The following WDFY4 variants were observed in gnomAD, a reference collection of about 807,000 sequenced individuals.
WDFY4 encodes WDFY family member 4.
A neutral mutation model predicts 351.9 loss-of-function variants in WDFY4; 169 were observed. That is an observed-to-expected ratio of 0.48 (90% CI 0.42 to 0.55). WDFY4 has a LOEUF of 0.55. WDFY4 is among the 20% of genes least tolerant of loss of function. WDFY4 has a pLI of 0.00. For synonymous variants in WDFY4, 1,622 were observed against 1,574.6 expected, an observed-to-expected ratio of 1.03 and a Z score of -0.71; for missense variants, 3,803 against 3,935.6, an observed-to-expected ratio of 0.97 and a Z score of 0.90.
intron 39 of WDFY4, among the ~76,000 whole-genome samples, chr10:48,849,446 A>G (rs921926399): frequency 2.6e-5 from 4 of 152,192 alleles, no homozygotes; most frequent in African/African-American, 9.7e-5. Context: ...GTGCAATTTC[A>G]GCAGACAAGA....
intron 24 of WDFY4, among the ~76,000 whole-genome samples, chr10:48,797,575 C>G (rs1299546713): frequency 1.3e-5 from 2 of 150,422 alleles, no homozygotes; most frequent in Non-Finnish European, 2.9e-5. Context: ...GCTCACATAC[C>G]AAAAACATTT....
At position 48,918,171 on chromosome 10, in the gene WDFY4, G is replaced by T. The variant is rs183736190; in HGVS notation, c.7586+16308G>T. On this transcript the variant is annotated intron_variant, in intron 47 of 61. Transcript: ENST00000325239. ...AAATAATACAAAGAAGGCAGGAAAA[G>T]GGAACAGAAGGAGCAAACAGACAAC... Among the ~76,000 whole-genome samples the T allele has an allele frequency of 2.7e-3, 407 of 152,218 alleles. 17 individuals are homozygous for T. Among genetic ancestry groups the T allele is most frequent in the Admixed American group, 0.026 (402 of 15,278 alleles).
At chr10:48,741,898 TGAGTTTTAGATG>T (rs1055014825) in intron 11 of WDFY4, among the ~76,000 whole-genome samples, 1 of 152,214 alleles carries the variant, frequency 6.6e-6, no homozygotes, top group Admixed American at 6.5e-5. Context: ...ATCAAATGCC[TGAGTTTTAGATG>T]GAGTCCAATG....
chr10:48,931,596 CTG>C (rs1840009732), intron 47 of WDFY4, among the ~76,000 whole-genome samples: 1 of 152,196 alleles, frequency 6.6e-6, no homozygotes, highest in South Asian at 2.1e-4. Flanking sequence ...TGTGGGGAAA[CTG>C]TGGCCTACTT....
intron 11 of WDFY4, among the ~76,000 whole-genome samples, chr10:48,736,827 C>G (rs1350302607): frequency 6.6e-6 from 1 of 152,110 alleles, no homozygotes; most frequent in Non-Finnish European, 1.5e-5. Flanking sequence ...GGGAGAGAAC[C>G]TGTGAGCTGT....
intron 39 of WDFY4, among the ~76,000 whole-genome samples, chr10:48,855,936 T>C (rs1190141260): frequency 6.6e-6 from 1 of 152,166 alleles, no homozygotes; most frequent in South Asian, 2.1e-4. Flanking sequence ...ATCATAGGTA[T>C]GTATGTATAG....
intron 33 of WDFY4, 23 bp from the exon 34 acceptor site, chr10:48,821,039 T>G: frequency 6.5e-7 from 1 of 1,532,810 alleles, no homozygotes; most frequent in Non-Finnish European, 8.9e-7. Context: ...GGTTGCTGTC[T>G]CAGTCCCGGG....
intron 44 of WDFY4, 42 bp from the exon 45 acceptor site, chr10:48,897,412 T>C: frequency 6.5e-7 from 1 of 1,541,348 alleles, no homozygotes; most frequent in Non-Finnish European, 8.8e-7. Flanking sequence ...GTCCTCACTC[T>C]GATGTCTGAA....
intron 49 of WDFY4, 95 bp downstream of exon 49, chr10:48,943,544 T>C (rs954394411): frequency 7.7e-5 from 102 of 1,328,308 alleles, no homozygotes; most frequent in Middle Eastern, 2.6e-4. Flanking sequence ...TGCTAGGAGG[T>C]TCCGTCACAT....
rs1842594038 is a variant in WDFY4 at position 48,976,934 on chromosome 10, C to T, written c.9246C>T (p.Asp3082=). 5 of 1,521,368 alleles carry T rather than the reference C, an allele frequency of 3.3e-6. No homozygotes were observed. In the East Asian group the frequency reaches 1.3e-4, roughly 39 times the overall value. The allele number at this position is 1,521,368 out of a possible 1,614,324, so 94.2% of individuals were successfully genotyped here. The change falls in exon 59 of 62, where the codon GAC becomes GAT. Residue 3082 remains aspartate, a synonymous_variant. Coordinates refer to ENST00000325239, the MANE Select transcript of WDFY4 (RefSeq NM_001394531.1). The part of the protein sequence containing the change: ...CCCLMEGPAW[D]TSQIIITGSQ... Reference sequence around the variant, plus strand: ...GCCTGATGGAGGGCCCAGCATGGGACACAAGCCAGATCATCATCACCGGGA... The same window carrying T: ...GCCTGATGGAGGGCCCAGCATGGGATACAAGCCAGATCATCATCACCGGGA...
chr10:48,773,888 T>C (rs984344934), intron 13 of WDFY4, among the ~76,000 whole-genome samples: 5 of 152,156 alleles, frequency 3.3e-5, no homozygotes, highest in Non-Finnish European at 7.4e-5. Flanking sequence ...AGATTCCACC[T>C]TTTACTCCGG....
chr10:48,718,254 T>C (rs2063969777), intron 2 of WDFY4, among the ~76,000 whole-genome samples: 1 of 152,238 alleles, frequency 6.6e-6, no homozygotes, highest in South Asian at 2.1e-4. Context: ...GTCTGGATAC[T>C]AATCCTCTGT....
At chr10:48,811,450 T>C in intron 29 of WDFY4, 89 bp from the exon 30 acceptor site, 1 of 1,160,494 alleles carries the variant, frequency 8.6e-7, no homozygotes, top group South Asian at 1.5e-5. Context: ...GATGGGTGGG[T>C]GGCCGGGTGT....
chr10:48,869,432 C>G (rs1223737798), intron 40 of WDFY4, among the ~76,000 whole-genome samples: 1 of 152,190 alleles, frequency 6.6e-6, no homozygotes, highest in African/African-American at 2.4e-5. Context: ...GCAGCAGCCC[C>G]CAGCATAAGA....
chr10:48,982,717 C>T lies in WDFY4; in HGVS notation c.*142C>T, dbSNP rs1228339305. On this transcript the variant is annotated 3_prime_UTR_variant, in exon 62 of 62. Coordinates refer to ENST00000325239, the MANE Select transcript of WDFY4 (RefSeq NM_001394531.1). ...CTCAAGGAAGGGCCTCTGGCAATCA[C>T]AGCTCTGCAGCCCAACCCTCTCCAT... is the stretch of plus-strand genomic sequence containing the variant. 1 of 782,282 alleles carries T rather than the reference C, an allele frequency of 1.3e-6. No individual in the cohort carries two copies. Among genetic ancestry groups the T allele is most frequent in the African/African-American group, 1.7e-5 (1 of 57,780 alleles). The allele number at this position is 782,282 out of a possible 1,614,324, so 48.5% of individuals were successfully genotyped here.
chr10:48,971,763 G>T (rs1462316250), intron 57 of WDFY4, among the ~76,000 whole-genome samples: 1 of 152,196 alleles, frequency 6.6e-6, no homozygotes. Context: ...TGACACATAT[G>T]CAGGGGCAGT....
intron 19 of WDFY4, 84 bp downstream of exon 19, chr10:48,780,203 T>C (rs2066173971): frequency 1.4e-6 from 2 of 1,468,208 alleles, no homozygotes; most frequent in East Asian, 2.5e-5. Flanking sequence ...TCATTCTATG[T>C]TTTTGTTGTT....
chr10:48,830,965 C>A (rs889130150), intron 38 of WDFY4, 80 bp downstream of exon 38: 33 of 1,410,610 alleles, frequency 2.3e-5, no homozygotes, highest in Non-Finnish European at 2.5e-5. Context: ...AACTCAGTGC[C>A]TAGAGCCTTT....
intron 5 of WDFY4, among the ~76,000 whole-genome samples, chr10:48,724,866 G>A (rs1263021373): frequency 2.0e-5 from 3 of 152,178 alleles, no homozygotes; most frequent in Non-Finnish European, 4.4e-5. Context: ...CCAGGCTGGA[G>A]TGCAGTAGTT....
Sources: gnomAD v4.1 joint callset for allele counts (sites outside exome capture counted in the v4.1 genomes callset) on GRCh38, gnomAD v4.1.1 for gene constraint, MANE v1.5 for transcripts, NCBI Gene and HGNC (gene_info 2026-07-23, HGNC 2026-07-21) for gene names.